Variants in STAG1 observed in about 807,000 individuals in gnomAD.
STAG1 encodes STAG1 cohesin complex component.
Under a neutral mutation model 170.9 loss-of-function variants are expected in STAG1, and 26 were observed. The observed-to-expected ratio is 0.15, with a 90% CI of 0.11 to 0.21. The LOEUF is 0.21. Ranked by LOEUF, STAG1 falls within the 10% of genes least tolerant of loss-of-function variation. The pLI is 1.00. For missense variants in STAG1, 964 were observed against 1,509.5 expected (o/e 0.64, Z 5.99); for synonymous variants, 514 against 497.7 (o/e 1.03, Z -0.44).
chr3:136,569,732 T>C (rs1287726328), intron 4 of STAG1, among the ~76,000 whole-genome samples: 1 of 152,036 alleles, frequency 6.6e-6, no homozygotes, highest in Non-Finnish European at 1.5e-5. Flanking sequence ...AATAACTTAA[T>C]AGTGCAATAA....
intron 1 of STAG1, among the ~76,000 whole-genome samples, chr3:136,686,498 C>T (rs1285001559): frequency 6.6e-6 from 1 of 152,172 alleles, no homozygotes; most frequent in Admixed American, 6.5e-5. Context: ...ATTAGAGCCA[C>T]AGGCATTAGC....
chr3:136,372,212 T>C (rs1057056742), intron 23 of STAG1, among the ~76,000 whole-genome samples: 4 of 152,228 alleles, frequency 2.6e-5, no homozygotes, highest in Non-Finnish European at 2.9e-5. Context: ...TCCTGAGACT[T>C]TGCTGAAGCT....
intron 21 of STAG1, among the ~76,000 whole-genome samples, chr3:136,408,484 T>C (rs1576436778): frequency 8.1e-6 from 1 of 123,654 alleles, no homozygotes; most frequent in South Asian, 3.0e-4. Flanking sequence ...AAAGTTACTG[T>C]GTTTTTTTTT....
intron 29 of STAG1, among the ~76,000 whole-genome samples, chr3:136,344,716 C>T (rs551132090): frequency 9.9e-5 from 15 of 151,834 alleles, no homozygotes; most frequent in Non-Finnish European, 1.6e-4. Flanking sequence ...CAGGTTCAAG[C>T]GATTCTCCTG....
At chr3:136,463,735 ATGTGTGTG>A (rs140989476) in intron 13 of STAG1, among the ~76,000 whole-genome samples, 28 of 101,220 alleles carry the variant, frequency 2.8e-4, no homozygotes, top group South Asian at 1.5e-3. Context: ...AAATGTGTAT[ATGTGTGTG>A]TGTGTGTGTG....
At chr3:136,363,775 T>C (rs983926512) in intron 25 of STAG1, among the ~76,000 whole-genome samples, 1 of 152,198 alleles carries the variant, frequency 6.6e-6, no homozygotes, top group African/African-American at 2.4e-5. Context: ...TTGTTTTTTC[T>C]TGTTTGATAC....
intron 1 of STAG1, among the ~76,000 whole-genome samples, chr3:136,687,774 T>A (rs954204600): frequency 4.6e-5 from 7 of 151,446 alleles, no homozygotes; most frequent in African/African-American, 1.7e-4. Flanking sequence ...TCTCCCTTTG[T>A]CGCCCAGGCT....
intron 9 of STAG1, among the ~76,000 whole-genome samples, chr3:136,498,266 A>AC (rs1435298666): frequency 3.1e-5 from 2 of 63,920 alleles, no homozygotes; most frequent in East Asian, 6.2e-4. Flanking sequence ...ACACACACAC[A>AC]CACACACCAC....
Position 136,598,913 on chromosome 3 carries a change from T to C in STAG1, c.297+5396A>G, listed in dbSNP as rs533430900. On this transcript the variant is annotated intron_variant, in intron 4 of 33. Transcript: ENST00000383202. The stretch of plus-strand genomic sequence containing the variant: ...AGTTATACTATACTATTTACAGCTA[T>C]GAAATTACTTTCACTTATCTTGCTC... Among the ~76,000 whole-genome samples the C allele has an allele frequency of 2.0e-5, 3 of 152,332 alleles. No individual in the cohort carries two copies. In the East Asian group the frequency reaches 5.8e-4, roughly 29 times the overall value.
chr3:136,343,515 T>C (rs1936087390), intron 30 of STAG1, among the ~76,000 whole-genome samples: 1 of 152,228 alleles, frequency 6.6e-6, no homozygotes, highest in South Asian at 2.1e-4. Flanking sequence ...CAGGTTTTCT[T>C]GCCTAGGAAG....
At chr3:136,435,879 A>C (rs973770401) in intron 15 of STAG1, among the ~76,000 whole-genome samples, 6 of 151,838 alleles carry the variant, frequency 4.0e-5, no homozygotes, top group African/African-American at 1.5e-4. Flanking sequence ...CATCTTGGCC[A>C]TGCTGGTCTT....
chr3:136,561,605 C>G (rs1490455074), intron 5 of STAG1, among the ~76,000 whole-genome samples: 1 of 152,110 alleles, frequency 6.6e-6, no homozygotes, highest in African/African-American at 2.4e-5. Flanking sequence ...GTTTTGCAAA[C>G]TGATTCTCCT....
At chr3:136,695,918 C>T (rs1942874741) in intron 1 of STAG1, among the ~76,000 whole-genome samples, 1 of 152,110 alleles carries the variant, frequency 6.6e-6, no homozygotes, top group Admixed American at 6.5e-5. Context: ...ACCTTGGATC[C>T]CACTTCTGAC....
chr3:136,403,886 T>A (rs2087408218), intron 21 of STAG1, among the ~76,000 whole-genome samples: 2 of 152,240 alleles, frequency 1.3e-5, no homozygotes, highest in South Asian at 4.1e-4. Context: ...TTGGTATTCC[T>A]TTTAAGTTTA....
intron 4 of STAG1, among the ~76,000 whole-genome samples, chr3:136,600,538 TTTTTTA>T (rs1414367320): frequency 2.6e-5 from 4 of 152,222 alleles, no homozygotes; most frequent in Non-Finnish European, 5.9e-5. Flanking sequence ...TTGCTCTTTA[TTTTTTA>T]TTTTTGAGAC....
intron 29 of STAG1, among the ~76,000 whole-genome samples, chr3:136,347,062 G>GTCTCATT (rs1936250543): frequency 6.7e-6 from 1 of 148,494 alleles, no homozygotes; most frequent in Admixed American, 6.7e-5. Context: ...CTGGGCGACA[G>GTCTCATT]AGTGAGACCC....
intron 4 of STAG1, among the ~76,000 whole-genome samples, chr3:136,600,301 T>C (rs1253607151): frequency 6.6e-6 from 1 of 152,200 alleles, no homozygotes; most frequent in Non-Finnish European, 1.5e-5. Context: ...CAGCCTGCTT[T>C]ACAAATGGGG....
chr3:136,478,189 T>C (rs1169130490), intron 9 of STAG1, among the ~76,000 whole-genome samples: 2 of 152,234 alleles, frequency 1.3e-5, no homozygotes, highest in African/African-American at 4.8e-5. Flanking sequence ...TAATATATTT[T>C]TTAGGCTGAG....
intron 6 of STAG1, among the ~76,000 whole-genome samples, chr3:136,540,851 A>AAAAAAAAAAAAAAAAAAAC (rs1559868703): frequency 6.9e-6 from 1 of 145,732 alleles, no homozygotes; most frequent in Non-Finnish European, 1.5e-5. Flanking sequence ...AAAAAAAAAA[A>AAAAAAAAAAAAAAAAAAAC]ACCTATATAT....
Sources: allele counts gnomAD v4.1 joint callset (sites outside exome capture counted in the v4.1 genomes callset), GRCh38; gene constraint gnomAD v4.1.1; transcripts MANE v1.5; gene names NCBI Gene and HGNC (gene_info 2026-07-23, HGNC 2026-07-21).